The following SLAMF8 variants were observed in gnomAD, a reference collection of about 807,000 sequenced individuals.
SLAMF8 encodes B lymphocyte activator macrophage expressed.
SLAMF8 carries 23 observed loss-of-function variants against 29.0 expected under a neutral mutation model. The observed-to-expected ratio is 0.79, with a 90% CI of 0.57 to 1.13. The LOEUF (loss-of-function observed/expected upper bound fraction) is 1.13, where lower values mean the gene tolerates loss of function less well. Among genes scored for constraint, SLAMF8 ranks in the 50% most tolerant of loss-of-function variants. The probability of loss-of-function intolerance (pLI) is 0.00; values close to 1 mark genes in which losing one functional copy is unlikely to be tolerated. For missense variants in SLAMF8, 381 were observed against 353.1 expected, an observed-to-expected ratio of 1.08 and a Z score of -0.63; for synonymous variants, 139 against 145.6, an observed-to-expected ratio of 0.96 and a Z score of 0.32.
intron 2 of SLAMF8, 128 bp from the exon 3 acceptor site, chr1:159,832,748 G>T: frequency 9.7e-7 from 1 of 1,028,810 alleles, no homozygotes; most frequent in South Asian, 1.6e-5. Flanking sequence ...TGGAAAGCCA[G>T]ACAAGATTTT....
chr1:159,832,119 A>G (rs1231069574), intron 2 of SLAMF8, among the ~76,000 whole-genome samples: 4 of 152,160 alleles, frequency 2.6e-5, no homozygotes, highest in Admixed American at 2.6e-4. Flanking sequence ...TGGCTAGGAC[A>G]CCAGGATATC....
chr1:159,829,815 A>G, intron 1 of SLAMF8, 51 bp from the exon 2 acceptor site: 2 of 1,537,358 alleles, frequency 1.3e-6, no homozygotes, highest in Non-Finnish European at 1.8e-6. Flanking sequence ...CATGCAAAGA[A>G]GGATGAGGAG....
At chr1:159,830,287 A>G (rs12145890) in intron 2 of SLAMF8, 95 bp downstream of exon 2, 135 of 1,342,792 alleles carry the variant, frequency 1.0e-4, no homozygotes, top group Non-Finnish European at 1.2e-4. Flanking sequence ...GCTGGGTTCC[A>G]GAAAGCTCTG....
At chr1:159,826,978 A>T (rs764238406) in intron 1 of SLAMF8, 40 bp downstream of exon 1, 5 of 1,612,976 alleles carry the variant, frequency 3.1e-6, no homozygotes, top group Non-Finnish European at 4.2e-6. Flanking sequence ...CGGAGAGCTG[A>T]AGGCCCCTCC....
rs1647347753 is a variant in SLAMF8, at chr1:159,829,882, A to T, written c.57A>T (p.Thr19=). The change falls in exon 2 of 5, where the codon ACA becomes ACT. Residue 19 remains threonine, a synonymous_variant. Transcript: ENST00000289707. ...LLLWEALLPI[T]VTGAQVLSKV... Reference sequence around the variant, plus strand: ...TTCTTTCAGCCCTACTTCCCATTACAGTTACTGGTGCCCAAGTGCTGAGCA... The same window carrying T: ...TTCTTTCAGCCCTACTTCCCATTACTGTTACTGGTGCCCAAGTGCTGAGCA... The T allele has an allele frequency of 6.2e-7, 1 of 1,611,374 alleles. No homozygotes were observed. The highest frequency in any genetic ancestry group is 8.5e-7 in the Non-Finnish European group (1 of 1,178,534).
chr1:159,830,854 A>G (rs1268998196), intron 2 of SLAMF8, among the ~76,000 whole-genome samples: 1 of 152,204 alleles, frequency 6.6e-6, no homozygotes, highest in East Asian at 1.9e-4. Context: ...TGCAAAACAA[A>G]CCATCCCAAA....
chr1:159,828,066 T>C (rs1353507920), intron 1 of SLAMF8, among the ~76,000 whole-genome samples: 1 of 152,140 alleles, frequency 6.6e-6, no homozygotes, highest in Non-Finnish European at 1.5e-5. Context: ...ACTCCTGACC[T>C]CAAGTGATCC....
rs141727892 is a variant in SLAMF8 at position 159,830,132 on chromosome 1, G to T, written c.307G>T (p.Val103Leu). ...LESGDSGNFS[V>L]LMVDTRGQPW... is the part of the protein sequence containing the mutation. ...GTCTGGAGACAGCGGCAACTTCTCC[G>T]TGTTGATGGTGGACACAAGGGGCCA... The change falls in exon 2 of 5, where the codon GTG becomes TTG. Residue 103 changes from valine (V) to leucine (L), a missense_variant. Val to Leu is a conservative substitution (Grantham distance 32, BLOSUM62 1). Coordinates refer to ENST00000289707, the MANE Select transcript of SLAMF8 (RefSeq NM_020125.3). 9.2e-5 allele frequency: 149 copies of T among 1,613,876 alleles called. No homozygotes were observed. The Admixed American group carries it at 1.5e-3, about 16-fold the overall frequency.
In SLAMF8 at chr1:159,829,891, T is replaced by C. The variant is rs761918847; in HGVS notation, c.66T>C (p.Gly22=). Residue 22 remains glycine (G), a synonymous_variant, in exon 2 of 5, where the codon GGT becomes GGC. Coordinates refer to ENST00000289707, the MANE Select transcript of SLAMF8 (RefSeq NM_020125.3). ...WEALLPITVT[G]AQVLSKVGGS... ...CCCTACTTCCCATTACAGTTACTGGTGCCCAAGTGCTGAGCAAAGTCGGGG... is the reference window on the plus strand; with the variant it reads ...CCCTACTTCCCATTACAGTTACTGGCGCCCAAGTGCTGAGCAAAGTCGGGG... 9 of 1,612,460 alleles carry C rather than the reference T, an allele frequency of 5.6e-6. No homozygotes were observed. The East Asian group carries it at 6.7e-5, about 12-fold the overall frequency.
At position 159,829,005 on chromosome 1, in the gene SLAMF8, G is replaced by A. The variant is rs145185631; in HGVS notation, c.41-861G>A. On this transcript the variant is annotated intron_variant, in intron 1 of 4. Transcript: ENST00000289707. Reference sequence around the variant, plus strand: ...TCCCAAGGACCTGGGAGCCGTCCTCGACTCCTTTTTCTCCTTCACTCCCCA... The same window carrying A: ...TCCCAAGGACCTGGGAGCCGTCCTCAACTCCTTTTTCTCCTTCACTCCCCA... 2.7e-3 allele frequency among the ~76,000 whole-genome samples: 406 copies of A among 152,174 alleles called. 7 individuals carry two copies. The highest frequency in any genetic ancestry group is 0.016 in the South Asian group (79 of 4,814).
rs75159911 is a variant in SLAMF8, at chr1:159,830,887, C to T, written c.367+695C>T. Among the ~76,000 whole-genome samples the T allele has an allele frequency of 0.017, 2,603 of 152,264 alleles. 183 individuals are homozygous for T. In the East Asian group the frequency reaches 0.22, roughly 13 times the overall value. On this transcript the variant is annotated intron_variant, in intron 2 of 4. Coordinates refer to ENST00000289707, the MANE Select transcript of SLAMF8 (RefSeq NM_020125.3). ...AAAACTTACTGACTGAAAACAACAA[C>T]GATGTTTACTTCTCATAATTCCGTG...
At chr1:159,833,926 G>C (rs1009745523) in intron 4 of SLAMF8, among the ~76,000 whole-genome samples, 15 of 152,104 alleles carry the variant, frequency 9.9e-5, no homozygotes, top group African/African-American at 3.6e-4. Flanking sequence ...TTGTTGAGTG[G>C]GAGTCTAAAT....
At position 159,835,265 on chromosome 1, in the gene SLAMF8, C is replaced by A; in HGVS notation, c.*5C>A. 6.2e-7 allele frequency: 1 copy of A among 1,613,178 alleles called. No homozygotes were observed. Among genetic ancestry groups the A allele is most frequent in the Non-Finnish European group, 8.5e-7 (1 of 1,179,758 alleles). On this transcript the variant is annotated 3_prime_UTR_variant, in exon 5 of 5. Transcript: ENST00000289707. ...CTTGTGCAGGATCTGCCATAAAGGA[C>A]AATATGAACTGATGCCTGGACTATC... is the stretch of plus-strand genomic sequence containing the variant.
intron 1 of SLAMF8, among the ~76,000 whole-genome samples, chr1:159,828,645 G>A (rs1175697149): frequency 6.6e-6 from 1 of 152,188 alleles, no homozygotes; most frequent in East Asian, 1.9e-4. Flanking sequence ...AGAGCTCACG[G>A]TCTAGTGGGA....
chr1:159,833,193 G>A lies in SLAMF8; in HGVS notation c.673+12G>A, dbSNP rs1185126871. On this transcript the variant is annotated intron_variant, in intron 3 of 4. Coordinates refer to ENST00000289707, the MANE Select transcript of SLAMF8 (RefSeq NM_020125.3). The stretch of plus-strand genomic sequence containing the variant: ...TCATCATGAGGCAGGTATGCTAAGG[G>A]CCAGCAGTCAGTGGTTGAGGGCTTA... The A allele has an allele frequency of 6.2e-7, 1 of 1,613,912 alleles. No homozygotes were observed. The highest frequency in any genetic ancestry group is 8.5e-7 in the Non-Finnish European group (1 of 1,179,930).
chr1:159,827,070 T>A, intron 1 of SLAMF8, 132 bp downstream of exon 1: 2 of 1,061,138 alleles, frequency 1.9e-6, no homozygotes, highest in Non-Finnish European at 2.8e-6. Flanking sequence ...TAGGAAAGAC[T>A]AGAACAAGCT....
At position 159,836,146 on chromosome 1, in the gene SLAMF8, C is replaced by T; in HGVS notation, c.*886C>T. ...GCAGCTCAGCTCAGGATGAGTCTTC[C>T]TGCCTGAAACTGAGAGAGTGAAGAA... On this transcript the variant is annotated 3_prime_UTR_variant, in exon 5 of 5. Coordinates refer to ENST00000289707, the MANE Select transcript of SLAMF8 (RefSeq NM_020125.3). 1 of 985,446 alleles carries T rather than the reference C, an allele frequency of 1.0e-6. No individual in the cohort carries two copies. The allele number at this position is 985,446 out of a possible 1,614,324, so 61.0% of individuals were successfully genotyped here. A position where few individuals can be genotyped will look rare whatever the true frequency, so the allele number is the denominator to read the frequency against.
In SLAMF8 at chr1:159,837,126, C is replaced by T; in HGVS notation, c.*1866C>T. The T allele has an allele frequency of 1.0e-6, 1 of 985,490 alleles. No individual in the cohort carries two copies. The highest frequency in any genetic ancestry group is 1.2e-6 in the Non-Finnish European group (1 of 829,990). 61.0% of individuals were successfully genotyped at this position (985,490 alleles called of 1,614,324 possible). ...AAAGCAGCTCTGGATGAGATGGGAC[C>T]TGCAGCTCTCCCTCCACAAGGTGAC... On this transcript the variant is annotated 3_prime_UTR_variant, in exon 5 of 5. Transcript: ENST00000289707.
At chr1:159,830,988 C>T (rs567042588) in intron 2 of SLAMF8, among the ~76,000 whole-genome samples, 1 of 152,332 alleles carries the variant, frequency 6.6e-6, no homozygotes, top group South Asian at 2.1e-4. Flanking sequence ...ACATTCAGCA[C>T]CTCGGTTGGC....
Sources: allele counts gnomAD v4.1 joint callset (sites outside exome capture counted in the v4.1 genomes callset), GRCh38; gene constraint gnomAD v4.1.1; transcripts MANE v1.5; gene names NCBI Gene and HGNC (gene_info 2026-07-23, HGNC 2026-07-21).